DENND10: variants seen among roughly 807,000 people sequenced by gnomAD.
The protein encoded by DENND10 is DENN domain containing 10, also known as DENN domain-containing protein 10.
In DENND10, 24 loss-of-function variants were observed where a neutral mutation model predicts 43.6. The observed-to-expected ratio is 0.55, with a 90% confidence interval of 0.40 to 0.77. The LOEUF (loss-of-function observed/expected upper bound fraction) is 0.77, where lower values mean the gene tolerates loss of function less well. Ranked by LOEUF, DENND10 falls within the 30% of genes least tolerant of loss-of-function variation. The probability of loss-of-function intolerance (pLI) is 0.00; values close to 1 mark genes in which losing one functional copy is unlikely to be tolerated. For synonymous variants in DENND10, 125 were observed against 157.6 expected (o/e 0.79, Z 1.55); for missense variants, 303 against 429.9 (o/e 0.70, Z 2.61).
rs1485083506 is a variant in DENND10 at position 119,129,630 on chromosome 10, C to T, written c.802+8C>T. On this transcript the variant is annotated splice_region_variant and intron_variant, in intron 7 of 8. Coordinates refer to ENST00000361432, the MANE Select transcript of DENND10 (RefSeq NM_207009.4). ...TTGCTCCCCTTGCAAAAGGTTTGTT[C>T]TCTGTTCTGTTCTTGATACAAGATA... The T allele has an allele frequency of 3.8e-6, 6 of 1,577,232 alleles. No individual in the cohort carries two copies. Among genetic ancestry groups the T allele is most frequent in the Admixed American group, 3.3e-5 (2 of 59,962 alleles).
intron 2 of DENND10, 121 bp from the exon 3 acceptor site, chr10:119,111,728 T>A: frequency 1.4e-6 from 1 of 694,326 alleles, no homozygotes; most frequent in Non-Finnish European, 2.5e-6. Flanking sequence ...ACTTGTTAAA[T>A]TTTGGTCTTT....
Position 119,123,490 on chromosome 10 carries a change from G to C in DENND10, c.615G>C (p.Trp205Cys). 6.2e-7 allele frequency: 1 copy of C among 1,613,920 alleles called. No homozygotes were observed. Among genetic ancestry groups the C allele is most frequent in the South Asian group, 1.1e-5 (1 of 91,074 alleles). The part of the protein sequence containing the change: ...EFTRTLPALV[W>C]HRQDWTILHS... Reference sequence around the variant, plus strand: ...CCAGGACTCTGCCTGCCCTGGTGTGGCACCGACAGGACTGGACCATCCTTC... The same window carrying C: ...CCAGGACTCTGCCTGCCCTGGTGTGCCACCGACAGGACTGGACCATCCTTC... Residue 205 changes from tryptophan to cysteine, a missense_variant, in exon 6 of 9, where the codon TGG (tryptophan) becomes TGC (cysteine). Transcript: ENST00000361432.
At chr10:119,106,802 T>C (rs1406874594) in intron 1 of DENND10, among the ~76,000 whole-genome samples, 2 of 152,184 alleles carry the variant, frequency 1.3e-5, no homozygotes, top group Non-Finnish European at 2.9e-5. Flanking sequence ...CCCAGCACTT[T>C]GGGGGGCCGA....
At chr10:119,104,256 T>G in intron 1 of DENND10, 59 bp downstream of exon 1, 1 of 1,451,582 alleles carries the variant, frequency 6.9e-7, no homozygotes, top group Non-Finnish European at 9.2e-7. Context: ...CTGCTCCACC[T>G]CGGCCCGGGG....
chr10:119,129,760 A>G (rs549692904), intron 7 of DENND10, 138 bp downstream of exon 7: 14 of 644,886 alleles, frequency 2.2e-5, no homozygotes, highest in African/African-American at 2.0e-4. Context: ...CTAGAACACA[A>G]CATTTATTCC....
At chr10:119,115,907 G>T (rs1845245973) in intron 3 of DENND10, among the ~76,000 whole-genome samples, 1 of 151,870 alleles carries the variant, frequency 6.6e-6, no homozygotes, top group Non-Finnish European at 1.5e-5. Context: ...GGGATTACAG[G>T]TGTGAGCCAC....
chr10:119,122,289 C>T (rs1350375367), intron 5 of DENND10, among the ~76,000 whole-genome samples: 7 of 152,150 alleles, frequency 4.6e-5, no homozygotes, highest in Non-Finnish European at 1.0e-4. Context: ...GCCTGGACGA[C>T]GGAGTGAGGC....
At chr10:119,122,394 G>T (rs1845618970) in intron 5 of DENND10, among the ~76,000 whole-genome samples, 1 of 152,156 alleles carries the variant, frequency 6.6e-6, no homozygotes, top group Non-Finnish European at 1.5e-5. Flanking sequence ...TTACAAGTTT[G>T]TTAAGACTGG....
Position 119,125,501 on chromosome 10 carries a change from CTTTTTTT to C in DENND10, c.694+1950_694+1956del, listed in dbSNP as rs34630434. Among the ~76,000 whole-genome samples, 106 of 65,860 alleles carry C rather than the reference CTTTTTTT, an allele frequency of 1.6e-3. 1 individual carries two copies. Among genetic ancestry groups the C allele is most frequent in the Middle Eastern group, 0.023 (1 of 44 alleles). The allele number at this position is 65,860 out of a possible 152,430, so 43.2% of individuals were successfully genotyped here. ...ACATTGTGATTCCACTTCTAGTTTT[CTTTTTTT>C]TTTTTTTTTTTTTTTTTGAGTTGGA... is the stretch of plus-strand genomic sequence containing the variant. On this transcript the variant is annotated intron_variant, in intron 6 of 8. Transcript: ENST00000361432.
chr10:119,110,146 T>C (rs78046960), intron 2 of DENND10, among the ~76,000 whole-genome samples: 10,197 of 152,134 alleles, frequency 0.067, 476 homozygotes, highest in Non-Finnish European at 0.1. Flanking sequence ...ATGAAATCTT[T>C]GGTTTATTGC....
chr10:119,118,502 T>C (rs1003034694), intron 4 of DENND10, among the ~76,000 whole-genome samples: 2 of 152,226 alleles, frequency 1.3e-5, no homozygotes, highest in Non-Finnish European at 2.9e-5. Flanking sequence ...AGGGGAACTC[T>C]GAAGGCGAGG....
At chr10:119,126,902 CT>C (rs1312302019) in intron 6 of DENND10, among the ~76,000 whole-genome samples, 368 of 137,328 alleles carry the variant, frequency 2.7e-3, no homozygotes, top group Middle Eastern at 4.1e-3. Context: ...TTTTTCTTTT[CT>C]TTTTTTTTTT....
At position 119,136,545 on chromosome 10, in the gene DENND10, G is replaced by C. The variant is rs372487811; in HGVS notation, c.972G>C (p.Lys324Asn). Residue 324 changes from lysine (K) to asparagine (N), a missense_variant, in exon 9 of 9, where the codon AAG (lysine) becomes AAC (asparagine). By Grantham distance (94) the Lys-to-Asn change is moderately conservative. Transcript: ENST00000361432. ...PFSEVSADGE[K>N]RVLNLEALKQ... Reference sequence around the variant, plus strand: ...CAGAAGTTTCGGCTGATGGAGAAAAGAGAGTCCTTAATTTGGAGGCGCTAA... The same window carrying C: ...CAGAAGTTTCGGCTGATGGAGAAAACAGAGTCCTTAATTTGGAGGCGCTAA... The C allele has an allele frequency of 3.8e-6, 6 of 1,586,538 alleles. No homozygotes were observed. The South Asian group carries it at 4.6e-5, about 12-fold the overall frequency.
intron 5 of DENND10, among the ~76,000 whole-genome samples, chr10:119,121,852 C>T (rs575906175): frequency 6.6e-6 from 1 of 152,228 alleles, no homozygotes; most frequent in Admixed American, 6.5e-5. Flanking sequence ...TTACTCATAA[C>T]AAGAACCCTG....
intron 4 of DENND10, 119 bp from the exon 5 acceptor site, chr10:119,120,222 T>A (rs1011499219): frequency 3.4e-6 from 2 of 590,610 alleles, no homozygotes; most frequent in Non-Finnish European, 5.9e-6. Context: ...CATTCCAGCC[T>A]GGGTGACAGA....
chr10:119,109,639 C>T (rs1487431231), intron 2 of DENND10, among the ~76,000 whole-genome samples: 2 of 147,832 alleles, frequency 1.4e-5, no homozygotes, highest in African/African-American at 5.0e-5. Flanking sequence ...TTTTTTTTTA[C>T]GGGAGTTTTG....
chr10:119,113,476 C>T (rs923085425), intron 3 of DENND10, among the ~76,000 whole-genome samples: 4 of 148,996 alleles, frequency 2.7e-5, no homozygotes, highest in African/African-American at 9.9e-5. Flanking sequence ...AGATTACAAA[C>T]GTGAGCCACT....
At chr10:119,116,599 A>G (rs1845285745) in intron 3 of DENND10, among the ~76,000 whole-genome samples, 1 of 152,104 alleles carries the variant, frequency 6.6e-6, no homozygotes, top group South Asian at 2.1e-4. Flanking sequence ...TCCCAGATGT[A>G]AGGAGATGGC....
chr10:119,117,777 T>C (rs572102435), intron 4 of DENND10, 110 bp downstream of exon 4: 93 of 1,065,544 alleles, frequency 8.7e-5, no homozygotes, highest in Non-Finnish European at 1.1e-4. Context: ...ACCATCCTGG[T>C]TAACATGGTG....
Sources: gnomAD v4.1 joint callset for allele counts (sites outside exome capture counted in the v4.1 genomes callset) on GRCh38, gnomAD v4.1.1 for gene constraint, MANE v1.5 for transcripts, NCBI Gene and HGNC (gene_info 2026-07-23, HGNC 2026-07-21) for gene names.